The following MTUS2 variants were observed in gnomAD, a reference collection of about 807,000 sequenced individuals.
MTUS2 encodes the protein microtubule-associated tumor suppressor candidate 2.
MTUS2 carries 40 observed loss-of-function variants against 114.1 expected under a neutral mutation model. The ratio of observed to expected loss-of-function variants is 0.35; its 90% CI spans 0.27 to 0.46. The LOEUF (loss-of-function observed/expected upper bound fraction) is 0.46, where lower values mean the gene tolerates loss of function less well. Ranked by LOEUF, MTUS2 falls within the 20% of genes least tolerant of loss-of-function variation. The pLI, the probability that MTUS2 is intolerant of heterozygous loss-of-function variation, is 1.00. For missense variants in MTUS2, 1,679 were observed against 1,705.4 expected, an observed-to-expected ratio of 0.98 and a Z score of 0.27; for synonymous variants, 688 against 672.0, an observed-to-expected ratio of 1.02 and a Z score of -0.37.
intron 7 of MTUS2, among the ~76,000 whole-genome samples, chr13:29,336,623 G>A (rs1231690814): frequency 6.6e-6 from 1 of 152,220 alleles, no homozygotes; most frequent in African/African-American, 2.4e-5. Context: ...ATGGGGGTCA[G>A]GGACCCACTT....
chr13:29,202,966 C>T (rs1593596961), intron 5 of MTUS2, among the ~76,000 whole-genome samples: 1 of 152,304 alleles, frequency 6.6e-6, no homozygotes, highest in East Asian at 1.9e-4. Context: ...AGGTATCTCC[C>T]AGTACAGGAG....
rs538313663 is a variant in MTUS2, at chr13:28,843,763, G to A, written c.-243+3913G>A. On this transcript the variant is annotated intron_variant, in intron 2 of 15. Coordinates refer to ENST00000612955, the MANE Select transcript of MTUS2 (RefSeq NM_001033602.4). ...AAACCTGTGATCTGTTTGATATGAG[G>A]CCAGATTTTATTAAACTAGGTCATC... Among the ~76,000 whole-genome samples, 317 of 152,276 alleles carry A rather than the reference G, an allele frequency of 2.1e-3. 1 individual carries two copies. Among genetic ancestry groups the A allele is most frequent in the Non-Finnish European group, 4.0e-3 (269 of 68,024 alleles).
At chr13:28,960,278 G>T (rs1056756855) in intron 2 of MTUS2, among the ~76,000 whole-genome samples, 1 of 152,240 alleles carries the variant, frequency 6.6e-6, no homozygotes, top group African/African-American at 2.4e-5. Context: ...TAAATTGCTT[G>T]TGGGATTATA....
At chr13:29,327,822 A>G (rs1900592010) in intron 7 of MTUS2, among the ~76,000 whole-genome samples, 1 of 152,186 alleles carries the variant, frequency 6.6e-6, no homozygotes, top group African/African-American at 2.4e-5. Context: ...TGTTTTCCAA[A>G]GTGGTTGTAC....
intron 7 of MTUS2, among the ~76,000 whole-genome samples, chr13:29,358,315 C>A (rs768552426): frequency 1.3e-5 from 2 of 152,250 alleles, no homozygotes; most frequent in East Asian, 1.9e-4. Flanking sequence ...TTTTGGGGGA[C>A]CTTGCCTTTT....
intron 12 of MTUS2, 61 bp downstream of exon 12, chr13:29,492,780 C>T: frequency 7.6e-7 from 1 of 1,307,838 alleles, no homozygotes. Context: ...ATTATTCCCA[C>T]CCACAAACAT....
chr13:29,163,871 T>C (rs1384663784), intron 5 of MTUS2, among the ~76,000 whole-genome samples: 4 of 152,164 alleles, frequency 2.6e-5, no homozygotes, highest in Non-Finnish European at 5.9e-5. Context: ...ACCTCCATGA[T>C]GTCTTCCTAC....
At chr13:29,192,467 T>A (rs1464548199) in intron 5 of MTUS2, among the ~76,000 whole-genome samples, 1 of 152,124 alleles carries the variant, frequency 6.6e-6, no homozygotes, top group Non-Finnish European at 1.5e-5. Flanking sequence ...GAGGAATAAG[T>A]TCTAGTGTTC....
At chr13:29,228,877 T>C (rs560063789) in intron 5 of MTUS2, among the ~76,000 whole-genome samples, 1 of 152,362 alleles carries the variant, frequency 6.6e-6, no homozygotes, top group Non-Finnish European at 1.5e-5. Flanking sequence ...AGGTTTGTGC[T>C]TTGCATTCTT....
chr13:28,958,515 G>T (rs1228124142), intron 2 of MTUS2, among the ~76,000 whole-genome samples: 1 of 152,218 alleles, frequency 6.6e-6, no homozygotes, highest in Non-Finnish European at 1.5e-5. Flanking sequence ...GTTATTCTTA[G>T]TCTGTTTACT....
chr13:29,189,269 T>G (rs1348804560), intron 5 of MTUS2, among the ~76,000 whole-genome samples: 1 of 152,252 alleles, frequency 6.6e-6, no homozygotes, highest in African/African-American at 2.4e-5. Context: ...TTGTGAACTT[T>G]TAGAAAGTAT....
intron 7 of MTUS2, among the ~76,000 whole-genome samples, chr13:29,337,787 G>A (rs1901153250): frequency 7.9e-6 from 1 of 127,072 alleles, no homozygotes; most frequent in Non-Finnish European, 1.7e-5. Context: ...TTGTTTGTTT[G>A]TTTTGGTTTT....
intron 10 of MTUS2, among the ~76,000 whole-genome samples, chr13:29,483,605 G>C (rs1331800852): frequency 6.6e-6 from 1 of 152,214 alleles, no homozygotes; most frequent in Non-Finnish European, 1.5e-5. Context: ...AGCATCACGG[G>C]AGCTGCAGGA....
intron 2 of MTUS2, among the ~76,000 whole-genome samples, chr13:28,940,178 A>G (rs1045078249): frequency 2.0e-4 from 30 of 152,224 alleles, no homozygotes; most frequent in Non-Finnish European, 5.9e-5. Flanking sequence ...TCATGTTCAC[A>G]GCAGTGCTTA....
intron 5 of MTUS2, among the ~76,000 whole-genome samples, chr13:29,251,910 T>C (rs1441859962): frequency 1.3e-5 from 2 of 152,230 alleles, no homozygotes. Context: ...TCTACAAATA[T>C]CTATTTGAGT....
chr13:28,871,945 G>A (rs1424213571), intron 2 of MTUS2, among the ~76,000 whole-genome samples: 1 of 152,194 alleles, frequency 6.6e-6, no homozygotes, highest in Non-Finnish European at 1.5e-5. Context: ...GCCAGACCAG[G>A]AGGGAGGAGG....
intron 12 of MTUS2, among the ~76,000 whole-genome samples, chr13:29,494,604 T>A: frequency 6.6e-6 from 1 of 151,968 alleles, no homozygotes; most frequent in Non-Finnish European, 1.5e-5. Flanking sequence ...AGGTGACCTG[T>A]GCTAGGTCAC....
At chr13:29,004,857 A>G (rs1327803214) in intron 2 of MTUS2, among the ~76,000 whole-genome samples, 3 of 152,230 alleles carry the variant, frequency 2.0e-5, no homozygotes, top group Non-Finnish European at 4.4e-5. Context: ...AGACAAGCCT[A>G]TAGCAAATAG....
At chr13:28,943,790 G>C (rs573325695) in intron 2 of MTUS2, among the ~76,000 whole-genome samples, 11 of 152,242 alleles carry the variant, frequency 7.2e-5, no homozygotes, top group Non-Finnish European at 1.3e-4. Context: ...CTGGAGGGGT[G>C]GCTGGAAGGC....
Sources: gnomAD v4.1 joint callset for allele counts (sites outside exome capture counted in the v4.1 genomes callset) on GRCh38, gnomAD v4.1.1 for gene constraint, MANE v1.5 for transcripts, NCBI Gene and HGNC (gene_info 2026-07-23, HGNC 2026-07-21) for gene names.